The following ASCC1 variants were observed in gnomAD, a reference collection of about 807,000 sequenced individuals.
The protein encoded by ASCC1 is activating signal cointegrator 1 complex subunit 1, also known as ASC-1 complex subunit P50.
ASCC1 carries 35 observed loss-of-function variants against 46.6 expected under a neutral mutation model. The observed-to-expected ratio is 0.75, with a 90% confidence interval of 0.57 to 0.99. The LOEUF is 0.99. Among genes scored for constraint, ASCC1 ranks in the 50% least tolerant of loss-of-function variants. ASCC1 has a pLI of 0.00. For synonymous variants in ASCC1, 143 were observed against 146.6 expected (o/e 0.98, Z 0.18); for missense variants, 376 against 428.7 (o/e 0.88, Z 1.09).
intron 8 of ASCC1, among the ~76,000 whole-genome samples, chr10:72,130,857 C>T (rs985466648): frequency 6.6e-6 from 1 of 152,190 alleles, no homozygotes. Context: ...TCAATCATCA[C>T]AGACCGTTTT....
chr10:72,096,664 A>G lies in ASCC1; in HGVS notation c.*670T>C. On this transcript the variant is annotated 3_prime_UTR_variant, in exon 10 of 10. Coordinates refer to ENST00000672957, the MANE Select transcript of ASCC1 (RefSeq NM_001198800.3). ...CCAATAGTCAAGAGGAAGCAAGCCAAGTGTTCACTGATGGAGGAACAGAGT... is the reference window on the plus strand; with the variant it reads ...CCAATAGTCAAGAGGAAGCAAGCCAGGTGTTCACTGATGGAGGAACAGAGT... 2.2e-6 allele frequency: 1 copy of G among 454,164 alleles called. No homozygotes were observed. The highest frequency in any genetic ancestry group is 4.4e-6 in the Non-Finnish European group (1 of 226,800). The allele number at this position is 454,164 out of a possible 1,614,324, so 28.1% of individuals were successfully genotyped here. A position where few individuals can be genotyped will look rare whatever the true frequency, so the allele number is the denominator to read the frequency against.
At position 72,120,503 on chromosome 10, in the gene ASCC1, G is replaced by A. The variant is rs1844069569; in HGVS notation, c.957+7579C>T. 2.6e-5 allele frequency among the ~76,000 whole-genome samples: 4 copies of A among 151,334 alleles called. 1 individual carries two copies. The South Asian group carries it at 8.3e-4, about 31-fold the overall frequency. On this transcript the variant is annotated intron_variant, in intron 9 of 9. Coordinates refer to ENST00000672957, the MANE Select transcript of ASCC1 (RefSeq NM_001198800.3). ...AAAAGGAATGGAAACAATATTTGAA[G>A]GAATAAAGACTGAGAATTTTCCTAA...
At chr10:72,179,960 C>A (rs373928398) in intron 5 of ASCC1, among the ~76,000 whole-genome samples, 3 of 152,198 alleles carry the variant, frequency 2.0e-5, no homozygotes, top group East Asian at 3.9e-4. Context: ...CATAAAAATA[C>A]TAATGACAGA....
At chr10:72,213,500 A>T in intron 1 of ASCC1, 169 bp from the exon 2 acceptor site, 1 of 555,078 alleles carries the variant, frequency 1.8e-6, no homozygotes. Flanking sequence ...GTTTAGGTTA[A>T]TTGCTGCATT....
chr10:72,126,109 T>C (rs1844831655), intron 9 of ASCC1, among the ~76,000 whole-genome samples: 1 of 152,258 alleles, frequency 6.6e-6, no homozygotes, highest in African/African-American at 2.4e-5. Flanking sequence ...AAATATCTAA[T>C]GGTCTCTACC....
At chr10:72,153,212 A>G (rs931694224) in intron 6 of ASCC1, among the ~76,000 whole-genome samples, 1 of 152,338 alleles carries the variant, frequency 6.6e-6, no homozygotes, top group East Asian at 1.9e-4. Context: ...AGTATTTCCA[A>G]TGTCAAACTA....
At chr10:72,117,431 G>A (rs1348027151) in intron 9 of ASCC1, among the ~76,000 whole-genome samples, 1 of 152,130 alleles carries the variant, frequency 6.6e-6, no homozygotes, top group Non-Finnish European at 1.5e-5. Flanking sequence ...AGACCTTAGG[G>A]TCTATTTCCT....
intron 7 of ASCC1, among the ~76,000 whole-genome samples, chr10:72,143,348 AC>A (rs957419537): frequency 6.6e-6 from 1 of 151,776 alleles, no homozygotes; most frequent in African/African-American, 2.4e-5. Context: ...ACAGTCAATC[AC>A]CTTACTAAAC....
intron 7 of ASCC1, among the ~76,000 whole-genome samples, chr10:72,136,445 G>A (rs1185062008): frequency 6.6e-6 from 1 of 152,172 alleles, no homozygotes; most frequent in Non-Finnish European, 1.5e-5. Context: ...CTAGCTAAAG[G>A]ATTGTAAGCA....
chr10:72,204,922 CA>C lies in ASCC1; in HGVS notation c.213-1399del, dbSNP rs1357526205. On this transcript the variant is annotated intron_variant, in intron 3 of 9. Transcript: ENST00000672957. ...TAGTGAACAAGCCTATCACAAAAAGCAGTGGTTCAAAGTGCTATTAATAATC... is the reference window on the plus strand; with the variant it reads ...TAGTGAACAAGCCTATCACAAAAAGCGTGGTTCAAAGTGCTATTAATAATC... Among the ~76,000 whole-genome samples, 3 of 152,314 alleles carry C rather than the reference CA, an allele frequency of 2.0e-5. No individual in the cohort carries two copies. In the South Asian group the frequency reaches 6.2e-4, roughly 32 times the overall value.
intron 5 of ASCC1, among the ~76,000 whole-genome samples, chr10:72,173,379 C>G (rs1027482170): frequency 2.6e-5 from 4 of 152,132 alleles, no homozygotes; most frequent in Non-Finnish European, 5.9e-5. Flanking sequence ...GCACTCTAGT[C>G]AACTTGAGTT....
chr10:72,199,360 C>T (rs1215080136), intron 4 of ASCC1, among the ~76,000 whole-genome samples: 14 of 147,954 alleles, frequency 9.5e-5, no homozygotes, highest in Admixed American at 6.8e-4. Flanking sequence ...TGCAGTGGCA[C>T]GATCTCGGCT....
rs1177551949 is a variant in ASCC1 at position 72,096,529 on chromosome 10, A to C, written c.*805T>G. On this transcript the variant is annotated 3_prime_UTR_variant, in exon 10 of 10. Transcript: ENST00000672957. ...TGATAGACCAAGCAAAGTAAAAGGC[A>C]AACAACTTTAATGGTTATTTTGCTA... is the stretch of plus-strand genomic sequence containing the variant. 1 of 454,166 alleles carries C rather than the reference A, an allele frequency of 2.2e-6. No homozygotes were observed. The highest frequency in any genetic ancestry group is 4.4e-6 in the Non-Finnish European group (1 of 226,798). 28.1% of individuals were successfully genotyped at this position (454,166 alleles called of 1,614,324 possible). A position where few individuals can be genotyped will look rare whatever the true frequency, so the allele number is the denominator to read the frequency against.
In ASCC1 at chr10:72,152,882, C is replaced by A. The variant is rs771557576; in HGVS notation, c.733G>T (p.Asp245Tyr). 1.2e-6 allele frequency: 2 copies of A among 1,614,002 alleles called. No individual in the cohort carries two copies. Among genetic ancestry groups the A allele is most frequent in the African/African-American group, 2.7e-5 (2 of 74,936 alleles). ...DVLYAKVHMKDGSNRLQELVD... is the reference protein window; with the variant it reads ...DVLYAKVHMKYGSNRLQELVD... ...CCAGAAATATACCTGTTGGAGCCATCTTTCATATGGACTTTGGCGTAAAGA... is the reference window on the plus strand; with the variant it reads ...CCAGAAATATACCTGTTGGAGCCATATTTCATATGGACTTTGGCGTAAAGA... The change falls in exon 7 of 10, where the codon GAT becomes TAT. Residue 245 changes from aspartate to tyrosine, a missense_variant. By Grantham distance (160) the Asp-to-Tyr change is radical (BLOSUM62 -3). Transcript: ENST00000672957.
intron 8 of ASCC1, among the ~76,000 whole-genome samples, chr10:72,131,492 T>G (rs1041450880): frequency 2.1e-5 from 3 of 140,562 alleles, no homozygotes; most frequent in Non-Finnish European, 4.6e-5. Flanking sequence ...CTGGAACAAG[T>G]TCAAAGTTTT....
intron 9 of ASCC1, among the ~76,000 whole-genome samples, chr10:72,097,717 C>A (rs868466330): frequency 2.6e-5 from 4 of 152,180 alleles, no homozygotes; most frequent in Non-Finnish European, 4.4e-5. Context: ...AAAGTCAAAT[C>A]CGAAATTCAT....
At position 72,121,257 on chromosome 10, in the gene ASCC1, C is replaced by T. The variant is rs193276750; in HGVS notation, c.957+6825G>A. On this transcript the variant is annotated intron_variant, in intron 9 of 9. Coordinates refer to ENST00000672957, the MANE Select transcript of ASCC1 (RefSeq NM_001198800.3). Reference sequence around the variant, plus strand: ...CTCCCAGGCACAAGCGATCCTCCCACCTCAGCCTCCAAAGTAGCTGGGACT... The same window carrying T: ...CTCCCAGGCACAAGCGATCCTCCCATCTCAGCCTCCAAAGTAGCTGGGACT... 1.9e-3 allele frequency among the ~76,000 whole-genome samples: 284 copies of T among 152,256 alleles called. 2 individuals carry two copies. Among genetic ancestry groups the T allele is most frequent in the African/African-American group, 6.2e-3 (256 of 41,548 alleles).
chr10:72,104,147 T>C (rs540652398), intron 9 of ASCC1, among the ~76,000 whole-genome samples: 2 of 152,068 alleles, frequency 1.3e-5, no homozygotes, highest in African/African-American at 2.4e-5. Flanking sequence ...CACTCTAGAG[T>C]CTGAGCCCGT....
chr10:72,203,200 C>T (rs112558807), intron 4 of ASCC1, among the ~76,000 whole-genome samples: 11 of 151,424 alleles, frequency 7.3e-5, no homozygotes, highest in African/African-American at 2.4e-4. Context: ...GCAGGAGAAT[C>T]GCTTGATTCC....
Sources: gnomAD v4.1 joint callset for allele counts (sites outside exome capture counted in the v4.1 genomes callset) on GRCh38, gnomAD v4.1.1 for gene constraint, MANE v1.5 for transcripts, NCBI Gene and HGNC (gene_info 2026-07-23, HGNC 2026-07-21) for gene names.